The following LOC728743 variants were observed in gnomAD, a reference collection of about 807,000 sequenced individuals.
the LOC728743 span, chr7:150,408,006 G>C: frequency 1.3e-5 from 5 of 398,050 alleles, no homozygotes; most frequent in East Asian, 7.1e-5. Context: ...TGCGGCCGCT[G>C]CTTCCGCGAG....
At chr7:150,407,039 C>G in the LOC728743 span, among the ~76,000 whole-genome samples, 1 of 152,194 alleles carries the variant, frequency 6.6e-6, no homozygotes. Flanking sequence ...GTGCACTTCC[C>G]TACCTCCCCC....
chr7:150,407,311 G>A, the LOC728743 span, among the ~76,000 whole-genome samples: 1 of 152,156 alleles, frequency 6.6e-6, no homozygotes, highest in Admixed American at 6.5e-5. Flanking sequence ...GTGTCACACG[G>A]TGTTTAAGCC....
chr7:150,407,469 A>G, the LOC728743 span: 1 of 397,500 alleles, frequency 2.5e-6, no homozygotes, highest in Non-Finnish European at 4.4e-6. Flanking sequence ...ACGGGGCGAA[A>G]GGTGGAGGTT....
chr7:150,410,193 G>T, the LOC728743 span: 1 of 398,672 alleles, frequency 2.5e-6, no homozygotes, highest in Non-Finnish European at 4.4e-6. Flanking sequence ...GACCCGATAG[G>T]TGCAGAACCC....
At chr7:150,411,074 G>T in the LOC728743 span, 1 of 152,318 alleles carries the variant, frequency 6.6e-6, no homozygotes, top group Non-Finnish European at 1.5e-5. Flanking sequence ...TTTCTCTTCT[G>T]GTTTTGTTTC....
the LOC728743 span, chr7:150,404,588 C>G: frequency 2.6e-5 from 4 of 152,214 alleles, no homozygotes; most frequent in African/African-American, 9.7e-5. Context: ...AAAGTTATGT[C>G]CGAGTAAGGG....
the LOC728743 span, chr7:150,408,360 G>C: frequency 2.8e-6 from 1 of 363,628 alleles, no homozygotes; most frequent in Non-Finnish European, 4.9e-6. Context: ...GGCTCTTGAA[G>C]GTGTGGGCCG....
chr7:150,408,319 G>A, the LOC728743 span: 2 of 360,330 alleles, frequency 5.6e-6, no homozygotes, highest in South Asian at 3.0e-4. Context: ...CTCTCTAGAT[G>A]GGATCCCGGG....
At chr7:150,408,416 C>T in the LOC728743 span, 1 of 356,244 alleles carries the variant, frequency 2.8e-6, no homozygotes, top group African/African-American at 2.1e-5. Context: ...TCGGGACCCT[C>T]TGGCTGGCTG....
the LOC728743 span, chr7:150,411,763 A>G: frequency 1.3e-5 from 2 of 152,290 alleles, no homozygotes; most frequent in African/African-American, 4.8e-5. Flanking sequence ...TGGCCGACCT[A>G]GAGGAAACCT....
the LOC728743 span, among the ~76,000 whole-genome samples, chr7:150,406,906 C>G: frequency 6.6e-6 from 1 of 152,176 alleles, no homozygotes; most frequent in Non-Finnish European, 1.5e-5. Context: ...CAAAGAGCTG[C>G]CGCCTTTAAT....
the LOC728743 span, chr7:150,412,226 G>A: frequency 1.3e-5 from 2 of 152,382 alleles, no homozygotes; most frequent in African/African-American, 4.8e-5. Flanking sequence ...TGCACGTGGG[G>A]AGAGGGTATG....
the LOC728743 span, among the ~76,000 whole-genome samples, chr7:150,409,845 G>T: frequency 7.2e-5 from 11 of 152,212 alleles, no homozygotes; most frequent in African/African-American, 2.7e-4. Flanking sequence ...ATGTGGCTAT[G>T]GCTCCTCGGA....
the LOC728743 span, among the ~76,000 whole-genome samples, chr7:150,403,975 C>T: frequency 6.6e-6 from 1 of 152,218 alleles, no homozygotes; most frequent in Non-Finnish European, 1.5e-5. The surrounding 1 kb of genome is among the most constrained non-coding windows in gnomAD (Gnocchi z 5.1). Flanking sequence ...TTCTTCAGTT[C>T]CCAGGCTCCA....
chr7:150,408,315 A>T, the LOC728743 span: 1 of 360,080 alleles, frequency 2.8e-6, no homozygotes, highest in Non-Finnish European at 5.0e-6. Context: ...CTCCCTCTCT[A>T]GATGGGATCC....
chr7:150,400,831 T>C, the LOC728743 span: 1 of 152,246 alleles, frequency 6.6e-6, no homozygotes, highest in South Asian at 2.1e-4. Context: ...CAAGACAAGA[T>C]GGTCAGATTT....
the LOC728743 span, chr7:150,407,645 C>T: frequency 2.5e-6 from 1 of 398,944 alleles, no homozygotes; most frequent in African/African-American, 2.1e-5. Context: ...GGGCGGGTCC[C>T]CTGCGGGGGA....
the LOC728743 span, chr7:150,410,162 G>A: frequency 2.5e-6 from 1 of 398,654 alleles, no homozygotes; most frequent in Non-Finnish European, 4.4e-6. Context: ...GTCGACAGTT[G>A]CAGAGTGGGC....
chr7:150,407,269 C>T, the LOC728743 span, among the ~76,000 whole-genome samples: 3 of 152,192 alleles, frequency 2.0e-5, no homozygotes, highest in African/African-American at 7.2e-5. Context: ...GACTGACCCT[C>T]GTGCAGTATG....
Sources: gnomAD v4.1 joint callset for allele counts (sites outside exome capture counted in the v4.1 genomes callset) on GRCh38, gnomAD v4.1.1 for gene constraint, Gnocchi (gnomAD v3.1) non-coding constraint, MANE v1.5 for transcripts.